FMOD: variants seen among roughly 807,000 people sequenced by gnomAD.
FMOD encodes the protein fibromodulin, also known as KSPG fibromodulin.
Under a neutral mutation model 27.0 loss-of-function variants are expected in FMOD, and 15 were observed. The observed-to-expected ratio is 0.55, with a 90% CI of 0.37 to 0.85. The LOEUF is 0.85. FMOD is among the 40% of genes least tolerant of loss of function. The pLI is 0.00. For missense variants in FMOD, 460 were observed against 483.2 expected, an observed-to-expected ratio of 0.95 and a Z score of 0.45; for synonymous variants, 210 against 214.0, an observed-to-expected ratio of 0.98 and a Z score of 0.16.
rs374060031 is a variant in FMOD at position 203,347,662 on chromosome 1, C to T, written c.609G>A (p.Thr203=). The part of the protein sequence containing the change: ...NNALEGLENL[T]ALYLQHNEIQ... ...TCTCATTGTGTTGGAGGTACAAGGC[C>T]GTGAGGTTCTCCAGCCCCTCCAGAG... The change falls in exon 2 of 3, where the codon ACG becomes ACA. Residue 203 remains threonine (T), a synonymous_variant. Coordinates refer to ENST00000354955, the MANE Select transcript of FMOD (RefSeq NM_002023.5). The T allele has an allele frequency of 2.4e-5, 38 of 1,613,998 alleles. No individual in the cohort carries two copies. In the African/African-American group the frequency reaches 2.5e-4, roughly 11 times the overall value.
Position 203,348,057 on chromosome 1 carries a change from C to G in FMOD, c.214G>C (p.Asp72His). 1 of 1,613,676 alleles carries G rather than the reference C, an allele frequency of 6.2e-7. No individual in the cohort carries two copies. The highest frequency in any genetic ancestry group is 1.1e-5 in the South Asian group (1 of 91,036). ...AYTYGSPSPP[D>H]PRDCPQECDC... ...CACTCCTGGGGGCAGTCGCGGGGAT[C>G]TGGAGGGGATGGAGAGCCGTAGGTG... Residue 72 changes from aspartate to histidine, a missense_variant, in exon 2 of 3, where the codon GAT becomes CAT. Coordinates refer to ENST00000354955, the MANE Select transcript of FMOD (RefSeq NM_002023.5).
intron 1 of FMOD, among the ~76,000 whole-genome samples, chr1:203,349,885 C>G (rs1479908333): frequency 1.3e-5 from 2 of 152,244 alleles, no homozygotes; most frequent in Non-Finnish European, 2.9e-5. Context: ...CCACAGGCAG[C>G]CTCAGGCCTC....
chr1:203,348,329 G>A, intron 1 of FMOD, 52 bp from the exon 2 acceptor site: 4 of 1,553,124 alleles, frequency 2.6e-6, no homozygotes, highest in Non-Finnish European at 3.5e-6. Flanking sequence ...AGACTCCACA[G>A]AGGCAGTGAG....
In FMOD at chr1:203,342,415, G is replaced by T. The variant is rs145901742; in HGVS notation, c.1059C>A (p.Asn353Lys). Reference sequence around the variant, plus strand: ...CAGGCATGGCGCTGCGCTTGATCTCGTTCCCGTCCAGGCGCAGCACCTGCA... The same window carrying T: ...CAGGCATGGCGCTGCGCTTGATCTCTTTCCCGTCCAGGCGCAGCACCTGCA... ...SKLQVLRLDG[N>K]EIKRSAMPAD... The change falls in exon 3 of 3, where the codon AAC becomes AAA. Residue 353 changes from asparagine (N) to lysine (K), a missense_variant. Physicochemically the swap from Asn to Lys is moderately conservative, Grantham distance 94. Transcript: ENST00000354955. 5 of 1,614,026 alleles carry T rather than the reference G, an allele frequency of 3.1e-6. No individual in the cohort carries two copies. The highest frequency in any genetic ancestry group is 4.2e-6 in the Non-Finnish European group (5 of 1,180,026).
chr1:203,343,038 A>G (rs1658824548), intron 2 of FMOD, among the ~76,000 whole-genome samples: 1 of 152,194 alleles, frequency 6.6e-6, no homozygotes, highest in Non-Finnish European at 1.5e-5. Flanking sequence ...CAGGGCTTTG[A>G]GTGGGTTGCA....
At chr1:203,346,170 C>T (rs1658884238) in intron 2 of FMOD, among the ~76,000 whole-genome samples, 1 of 152,086 alleles carries the variant, frequency 6.6e-6, no homozygotes, top group Non-Finnish European at 1.5e-5. Context: ...TCCCTGAGCA[C>T]AGGGGAGAAA....
At chr1:203,342,555 C>T in intron 2 of FMOD, 61 bp from the exon 3 acceptor site, 2 of 1,540,306 alleles carry the variant, frequency 1.3e-6, no homozygotes, top group South Asian at 1.2e-5. Context: ...CCTGAAGCCA[C>T]AGTGAGATTA....
Position 203,347,475 on chromosome 1 carries a change from C to A in FMOD, c.796G>T (p.Gly266Trp). Residue 266 changes from glycine to tryptophan, a missense_variant, in exon 2 of 3, where the codon GGG becomes TGG. Coordinates refer to ENST00000354955, the MANE Select transcript of FMOD (RefSeq NM_002023.5). ...VYTVPDSYFRGAPKLLYVRLS... is the reference protein window; with the variant it reads ...VYTVPDSYFRWAPKLLYVRLS... ...CGCACATACAGCAGCTTGGGCGCCC[C>A]CCGGAAGTAGCTATCGGGGACGGTG... is the stretch of plus-strand genomic sequence containing the variant. The A allele has an allele frequency of 6.2e-7, 1 of 1,614,022 alleles. No individual in the cohort carries two copies. Among genetic ancestry groups the A allele is most frequent in the Non-Finnish European group, 8.5e-7 (1 of 1,180,004 alleles).
rs1055425744 is a variant in FMOD, at chr1:203,341,400, C to T, written c.*943G>A. On this transcript the variant is annotated 3_prime_UTR_variant, in exon 3 of 3. Transcript: ENST00000354955. Reference sequence around the variant, plus strand: ...TGGCCGCTACCTTTGTGGATAAAAACCCAGGTAGGATGCTGTTTGGAATGC... The same window carrying T: ...TGGCCGCTACCTTTGTGGATAAAAATCCAGGTAGGATGCTGTTTGGAATGC... The T allele has an allele frequency of 6.6e-6, 1 of 152,160 alleles. No individual in the cohort carries two copies. Among genetic ancestry groups the T allele is most frequent in the African/African-American group, 2.4e-5 (1 of 41,432 alleles). The allele number at this position is 152,160 out of a possible 1,614,324, so 9.4% of individuals were successfully genotyped here.
chr1:203,344,402 C>A (rs369449064), intron 2 of FMOD, among the ~76,000 whole-genome samples: 2 of 152,156 alleles, frequency 1.3e-5, no homozygotes, highest in Non-Finnish European at 2.9e-5. Context: ...AGCACCCCCC[C>A]GTCTTCCCCA....
intron 2 of FMOD, among the ~76,000 whole-genome samples, chr1:203,342,879 T>C (rs1264245861): frequency 6.6e-6 from 1 of 152,056 alleles, no homozygotes; most frequent in African/African-American, 2.4e-5. Context: ...CTTGAAATAC[T>C]TGATTGTTTT....
Position 203,341,571 on chromosome 1 carries a change from C to G in FMOD, c.*772G>C, listed in dbSNP as rs1658795666. Reference sequence around the variant, plus strand: ...GTCTTATCCACCTTCAAAGAGCTACCCAGCTGCCAAAATATAGCCCTATAC... The same window carrying G: ...GTCTTATCCACCTTCAAAGAGCTACGCAGCTGCCAAAATATAGCCCTATAC... On this transcript the variant is annotated 3_prime_UTR_variant, in exon 3 of 3. Coordinates refer to ENST00000354955, the MANE Select transcript of FMOD (RefSeq NM_002023.5). 1 of 152,094 alleles carries G rather than the reference C, an allele frequency of 6.6e-6. No homozygotes were observed. The highest frequency in any genetic ancestry group is 1.5e-5 in the Non-Finnish European group (1 of 68,020). 9.4% of individuals were successfully genotyped at this position (152,094 alleles called of 1,614,324 possible).
In FMOD at chr1:203,348,377, G is replaced by C. The variant is rs942801910; in HGVS notation, c.-7-100C>G. 89 of 1,243,422 alleles carry C rather than the reference G, an allele frequency of 7.2e-5. 1 individual carries two copies. The South Asian group carries it at 1.3e-3, about 18-fold the overall frequency. 77.0% of individuals were successfully genotyped at this position (1,243,422 alleles called of 1,614,324 possible). ...AGCCTTAGGCTTTGAGCTATGCAGA[G>C]CTGACTTCCATGTCAAACATCTGAG... On this transcript the variant is annotated intron_variant, in intron 1 of 2. Transcript: ENST00000354955.
At chr1:203,342,518 G>A (rs1232535829) in intron 2 of FMOD, 24 bp from the exon 3 acceptor site, 3 of 1,602,266 alleles carry the variant, frequency 1.9e-6, no homozygotes, top group African/African-American at 1.3e-5. Context: ...AGGAGCACGG[G>A]TCAGGGAGAG....
chr1:203,349,099 A>G (rs10920616), intron 1 of FMOD, among the ~76,000 whole-genome samples: 29,759 of 152,142 alleles, frequency 0.2, 3,550 homozygotes, highest in East Asian at 0.35. Context: ...TCAGTGTGTG[A>G]AGTCTGAGTT....
Position 203,341,441 on chromosome 1 carries a change from A to G in FMOD, c.*902T>C, listed in dbSNP as rs1658793431. On this transcript the variant is annotated 3_prime_UTR_variant, in exon 3 of 3. Coordinates refer to ENST00000354955, the MANE Select transcript of FMOD (RefSeq NM_002023.5). ...TTTGGAATGCAGAAAGTGCTGGGCA[A>G]GAATGGAACTACTGGGGCTGCTTTC... 6.6e-6 allele frequency: 1 copy of G among 152,262 alleles called. No homozygotes were observed. Among genetic ancestry groups the G allele is most frequent in the Non-Finnish European group, 1.5e-5 (1 of 68,062 alleles). 9.4% of individuals were successfully genotyped at this position (152,262 alleles called of 1,614,324 possible). A position where few individuals can be genotyped will look rare whatever the true frequency, so the allele number is the denominator to read the frequency against.
intron 2 of FMOD, 87 bp downstream of exon 2, chr1:203,347,205 T>G (rs1045795022): frequency 7.5e-6 from 11 of 1,474,214 alleles, no homozygotes; most frequent in Middle Eastern, 2.1e-4. Context: ...CTATTTCTAT[T>G]TCTTTTGTTT....
intron 1 of FMOD, among the ~76,000 whole-genome samples, chr1:203,350,031 A>G (rs1658964066): frequency 6.6e-6 from 1 of 152,250 alleles, no homozygotes; most frequent in African/African-American, 2.4e-5. Flanking sequence ...TTCCATGCAC[A>G]GCCCTGGGCT....
intron 1 of FMOD, among the ~76,000 whole-genome samples, chr1:203,350,280 C>T: frequency 6.6e-6 from 1 of 152,224 alleles, no homozygotes; most frequent in Non-Finnish European, 1.5e-5. Flanking sequence ...AATGTTGCTT[C>T]AGGGTTGCAT....
Sources: gnomAD v4.1 joint callset for allele counts (sites outside exome capture counted in the v4.1 genomes callset) on GRCh38, gnomAD v4.1.1 for gene constraint, MANE v1.5 for transcripts, NCBI Gene and HGNC (gene_info 2026-07-23, HGNC 2026-07-21) for gene names.